The following AADAT variants were observed in gnomAD, a reference collection of about 807,000 sequenced individuals.
The protein encoded by AADAT is aminoadipate aminotransferase.
Under a neutral mutation model 56.2 loss-of-function variants are expected in AADAT, and 25 were observed. That is an observed-to-expected ratio of 0.44 (90% CI 0.32 to 0.62). AADAT has a LOEUF of 0.62. Among genes scored for constraint, AADAT ranks in the 20% least tolerant of loss-of-function variants. The pLI is 0.04. For synonymous variants in AADAT, 173 were observed against 164.7 expected (o/e 1.05, Z -0.39); for missense variants, 387 against 510.5 (o/e 0.76, Z 2.33).
At chr4:170,069,126 A>T (rs759059174) in intron 7 of AADAT, 22 bp downstream of exon 7, 4 of 1,600,770 alleles carry the variant, frequency 2.5e-6, no homozygotes, top group South Asian at 1.1e-5. Context: ...TCTAGCGTCA[A>T]GTTAGAGACA....
chr4:170,092,959 A>AAGT (rs1410409008), upstream of AADAT, among the ~76,000 whole-genome samples: 1 of 152,198 alleles, frequency 6.6e-6, no homozygotes, highest in Non-Finnish European at 1.5e-5. Flanking sequence ...TCCATTCTAA[A>AAGT]AGTAGTTCCT....
At chr4:170,071,264 G>A (rs1026179997) in intron 5 of AADAT, among the ~76,000 whole-genome samples, 10 of 152,150 alleles carry the variant, frequency 6.6e-5, no homozygotes, top group African/African-American at 2.4e-4. Flanking sequence ...GTGAGGGAGA[G>A]AGTGACAGGG....
intron 4 of AADAT, among the ~76,000 whole-genome samples, chr4:170,076,235 C>T (rs557462116): frequency 6.6e-6 from 1 of 152,226 alleles, no homozygotes; most frequent in East Asian, 1.9e-4. Context: ...AGTTTCTTCA[C>T]ATATTCACTA....
chr4:170,090,480 T>C (rs2111224888), upstream of AADAT: 1 of 152,330 alleles, frequency 6.6e-6, no homozygotes, highest in East Asian at 1.9e-4. Context: ...CCAAGACGAA[T>C]TTCAACATCA....
rs138838216 is a variant in AADAT at position 170,073,648 on chromosome 4, C to T, written c.445-303G>A. Among the ~76,000 whole-genome samples, 691 of 151,964 alleles carry T rather than the reference C, an allele frequency of 4.5e-3. 1 individual carries two copies. Among genetic ancestry groups the T allele is most frequent in the African/African-American group, 0.014 (591 of 41,436 alleles). ...CGAGTAGCTGGGGACTACAGGTGCA[C>T]GCCACCACGCCCAGGTAATTTTTTG... On this transcript the variant is annotated intron_variant, in intron 4 of 12. Transcript: ENST00000337664.
intron 10 of AADAT, among the ~76,000 whole-genome samples, chr4:170,065,580 C>A (rs1470356956): frequency 6.6e-6 from 1 of 151,864 alleles, no homozygotes; most frequent in Non-Finnish European, 1.5e-5. Context: ...GGCTCACTGC[C>A]ACCTCTGCCT....
chr4:170,070,488 A>G (rs765763844), intron 6 of AADAT, 99 bp downstream of exon 6: 12 of 763,422 alleles, frequency 1.6e-5, no homozygotes, highest in Non-Finnish European at 2.6e-5. Flanking sequence ...GTAAAAGTGG[A>G]TTAGTTCTGA....
In AADAT at chr4:170,060,811, G is replaced by T; in HGVS notation, c.*117C>A. 1 of 752,658 alleles carries T rather than the reference G, an allele frequency of 1.3e-6. No homozygotes were observed. The highest frequency in any genetic ancestry group is 2.1e-6 in the Non-Finnish European group (1 of 487,106). The allele number at this position is 752,658 out of a possible 1,614,324, so 46.6% of individuals were successfully genotyped here. ...TGCATGCAGGCCAGAGTGCAGTGGT[G>T]TGATCGTAGCTTACTGCAGCCTTGA... On this transcript the variant is annotated 3_prime_UTR_variant, in exon 13 of 13. Transcript: ENST00000337664.
Position 170,078,568 on chromosome 4 carries a change from T to C in AADAT, c.385A>G (p.Ile129Val). ...AGGAGGACATTATCTCCAGGATTAA[T>C]GATCATTTCAAACACCTAACAAAAG... ...QGLCKVFEMI[I>V]NPGDNVLLDE... is the part of the protein sequence containing the mutation. The change falls in exon 4 of 13, where the codon ATT becomes GTT. Residue 129 changes from isoleucine to valine, a missense_variant. By Grantham distance (29) the Ile-to-Val change is conservative (BLOSUM62 3). Transcript: ENST00000337664. The C allele has an allele frequency of 6.2e-7, 1 of 1,606,972 alleles. No homozygotes were observed. Among genetic ancestry groups the C allele is most frequent in the Non-Finnish European group, 8.5e-7 (1 of 1,176,018 alleles).
intron 3 of AADAT, among the ~76,000 whole-genome samples, chr4:170,079,659 G>A (rs1732196937): frequency 6.6e-6 from 1 of 152,148 alleles, no homozygotes; most frequent in African/African-American, 2.4e-5. Context: ...AGGGAAATGA[G>A]GAAGAGGAGG....
At chr4:170,091,117 G>A (rs1309872772), upstream of AADAT, among the ~76,000 whole-genome samples, 4 of 152,232 alleles carry the variant, frequency 2.6e-5, no homozygotes, top group Non-Finnish European at 5.9e-5. Flanking sequence ...CGGCCTCAGC[G>A]CTCACTCTGA....
In AADAT at chr4:170,061,059, ATCTG is replaced by A. The variant is rs2111128929; in HGVS notation, c.1237-94_1237-91del. Reference sequence around the variant, plus strand: ...AACTTTAAAAATCCAAACAAAGAGTATCTGTCTAAGGTTGAGAGAAGGCATTGAA... The same window carrying A: ...AACTTTAAAAATCCAAACAAAGAGTATCTAAGGTTGAGAGAAGGCATTGAA... On this transcript the variant is annotated intron_variant, in intron 12 of 12. Transcript: ENST00000337664. The A allele has an allele frequency of 4.1e-6, 4 of 980,588 alleles. No homozygotes were observed. The South Asian group carries it at 7.2e-5, about 18-fold the overall frequency. 60.7% of individuals were successfully genotyped at this position (980,588 alleles called of 1,614,324 possible). A position where few individuals can be genotyped will look rare whatever the true frequency, so the allele number is the denominator to read the frequency against.
At chr4:170,078,624 G>C (rs374473567) in intron 3 of AADAT, 41 bp from the exon 4 acceptor site, 1 of 1,396,852 alleles carries the variant, frequency 7.2e-7, no homozygotes, top group African/African-American at 1.4e-5. Context: ...GTCAGCATAG[G>C]TTAGTACTGT....
At chr4:170,091,385 G>A (rs1352200710), upstream of AADAT, among the ~76,000 whole-genome samples, 9 of 152,296 alleles carry the variant, frequency 5.9e-5, no homozygotes, top group South Asian at 2.1e-4. Context: ...CAGCAGCTGC[G>A]GAGGGTGTGC....
At chr4:170,092,673 G>A (rs1456538154), upstream of AADAT, among the ~76,000 whole-genome samples, 2 of 152,234 alleles carry the variant, frequency 1.3e-5, no homozygotes, top group African/African-American at 2.4e-5. Flanking sequence ...TGGCTTAATA[G>A]CTGGGTGTCT....
chr4:170,061,421 G>A (rs1246470798), intron 12 of AADAT, among the ~76,000 whole-genome samples: 1 of 152,154 alleles, frequency 6.6e-6, no homozygotes, highest in African/African-American at 2.4e-5. Flanking sequence ...TCTTCTCAAG[G>A]TTAATGGCAC....
intron 4 of AADAT, 63 bp from the exon 5 acceptor site, chr4:170,073,408 T>C: frequency 7.0e-7 from 1 of 1,438,720 alleles, no homozygotes; most frequent in Non-Finnish European, 9.3e-7. Flanking sequence ...TATTGGTTTT[T>C]TTTTTTTCTT....
intron 7 of AADAT, among the ~76,000 whole-genome samples, chr4:170,068,890 A>C (rs773452222): frequency 1.3e-5 from 2 of 152,218 alleles, no homozygotes; most frequent in Non-Finnish European, 2.9e-5. Flanking sequence ...CGTATTTCGA[A>C]ATGTGCCCTT....
upstream of AADAT, among the ~76,000 whole-genome samples, chr4:170,092,726 A>G (rs1732904492): frequency 6.6e-6 from 1 of 152,246 alleles, no homozygotes; most frequent in African/African-American, 2.4e-5. Context: ...GTTTTCTCGC[A>G]GGCATGTTGA....
Sources: allele counts gnomAD v4.1 joint callset (sites outside exome capture counted in the v4.1 genomes callset), GRCh38; gene constraint gnomAD v4.1.1; transcripts MANE v1.5; gene names NCBI Gene and HGNC (gene_info 2026-07-23, HGNC 2026-07-21).